DAB1: variants seen among roughly 807,000 people sequenced by gnomAD.
DAB1 encodes DAB adaptor protein 1.
DAB1 carries 15 observed loss-of-function variants against 64.6 expected under a neutral mutation model. That is an observed-to-expected ratio of 0.23 (90% CI 0.16 to 0.36). The LOEUF (loss-of-function observed/expected upper bound fraction) is 0.36, where lower values mean the gene tolerates loss of function less well. Among genes scored for constraint, DAB1 ranks in the 10% least tolerant of loss-of-function variants. The pLI is 1.00. For synonymous variants in DAB1, 235 were observed against 251.9 expected, an observed-to-expected ratio of 0.93 and a Z score of 0.64; for missense variants, 596 against 706.7, an observed-to-expected ratio of 0.84 and a Z score of 1.78.
intron 6 of DAB1, among the ~76,000 whole-genome samples, chr1:57,780,528 T>C (rs1054465682): frequency 4.6e-5 from 7 of 152,208 alleles, no homozygotes; most frequent in Non-Finnish European, 7.4e-5. Context: ...CTGGGTAATA[T>C]GTTACATATG....
At chr1:58,091,969 A>ACAC (rs1570341909) in intron 5 of DAB1, among the ~76,000 whole-genome samples, 1 of 104,194 alleles carries the variant, frequency 9.6e-6, no homozygotes, top group East Asian at 3.9e-4. Context: ...CACACACACA[A>ACAC]ACTAACATAG....
At chr1:57,132,321 C>G (rs868427584) in intron 4 of DAB1, among the ~76,000 whole-genome samples, 10 of 152,132 alleles carry the variant, frequency 6.6e-5, no homozygotes, top group African/African-American at 2.2e-4. Context: ...GAGAGTATCC[C>G]AGTATCTTGG....
At chr1:58,315,906 AAACTG>A (rs1259293237) in intron 4 of DAB1, among the ~76,000 whole-genome samples, 3 of 152,222 alleles carry the variant, frequency 2.0e-5, no homozygotes, top group Non-Finnish European at 4.4e-5. Context: ...CATAGAGGCT[AAACTG>A]GAAAGTCATT....
At chr1:57,424,474 C>G (rs1425504731), upstream of DAB1, among the ~76,000 whole-genome samples, 1 of 152,144 alleles carries the variant, frequency 6.6e-6, no homozygotes, top group African/African-American at 2.4e-5. Flanking sequence ...GCCGCGCCAG[C>G]GTGGAGAGGG....
At chr1:57,209,139 T>C (rs1379764910) in intron 2 of DAB1, among the ~76,000 whole-genome samples, 1 of 151,964 alleles carries the variant, frequency 6.6e-6, no homozygotes, top group Non-Finnish European at 1.5e-5. Flanking sequence ...AGCAATTGAG[T>C]AAATAAGAAA....
chr1:58,371,895 T>C (rs1430164788), intron 3 of DAB1, among the ~76,000 whole-genome samples: 7 of 152,182 alleles, frequency 4.6e-5, no homozygotes, highest in Non-Finnish European at 1.0e-4. Flanking sequence ...AACCTCCACC[T>C]AGATTTCAGA....
intron 5 of DAB1, among the ~76,000 whole-genome samples, chr1:57,992,609 T>C (rs1646362245): frequency 6.6e-6 from 1 of 152,150 alleles, no homozygotes; most frequent in Non-Finnish European, 1.5e-5. Context: ...ACACTCAGCG[T>C]TTTCAGAGTG....
intron 4 of DAB1, among the ~76,000 whole-genome samples, chr1:57,132,663 T>C (rs534880054): frequency 3.3e-5 from 5 of 152,204 alleles, no homozygotes; most frequent in African/African-American, 1.2e-4. Flanking sequence ...ACTCTAAAAT[T>C]TGAAACACTT....
At chr1:57,565,339 T>C (rs1383498422) in intron 7 of DAB1, among the ~76,000 whole-genome samples, 4 of 152,162 alleles carry the variant, frequency 2.6e-5, no homozygotes, top group Non-Finnish European at 4.4e-5. Flanking sequence ...GTAAAGACCA[T>C]TGATGCTAGG....
intron 1 of DAB1, among the ~76,000 whole-genome samples, chr1:58,532,033 A>C (rs1207819257): frequency 6.6e-6 from 1 of 152,160 alleles, no homozygotes; most frequent in Non-Finnish European, 1.5e-5. Flanking sequence ...TTAACATGAA[A>C]AAGTGAAACT....
chr1:57,795,690 G>GATATATATATATATATATAT (rs3081038), intron 6 of DAB1, among the ~76,000 whole-genome samples: 14 of 69,098 alleles, frequency 2.0e-4, no homozygotes, highest in East Asian at 9.6e-4. Flanking sequence ...TATGCTTGGA[G>GATATATATATATATATATAT]ATATATATAT....
intron 7 of DAB1, among the ~76,000 whole-genome samples, chr1:57,565,879 T>G (rs1645114033): frequency 6.6e-6 from 1 of 152,070 alleles, no homozygotes; most frequent in South Asian, 2.1e-4. Flanking sequence ...AGACAGAAAG[T>G]TAACAAGGAT....
chr1:57,345,746 T>C (rs1678025545), intron 1 of DAB1, among the ~76,000 whole-genome samples: 1 of 152,230 alleles, frequency 6.6e-6, no homozygotes, highest in South Asian at 2.1e-4. Flanking sequence ...TGTACCACCA[T>C]TTATGAGCTG....
chr1:57,843,376 A>C (rs978783426), intron 1 of DAB1, among the ~76,000 whole-genome samples: 1 of 152,162 alleles, frequency 6.6e-6, no homozygotes, highest in Non-Finnish European at 1.5e-5. Context: ...GTTATTATCT[A>C]GTTGGGTGAT....
chr1:57,379,151 G>C (rs17115685), intron 1 of DAB1, among the ~76,000 whole-genome samples: 47,047 of 151,314 alleles, frequency 0.31, 7,769 homozygotes, highest in African/African-American at 0.39. Flanking sequence ...AGTAAGGAGG[G>C]GCTACCAGCT....
chr1:57,659,907 G>T (rs1646365365), intron 6 of DAB1, among the ~76,000 whole-genome samples: 1 of 151,730 alleles, frequency 6.6e-6, no homozygotes, highest in South Asian at 2.1e-4. Context: ...AATCTGGGTG[G>T]CAGAGGTTGC....
intron 7 of DAB1, among the ~76,000 whole-genome samples, chr1:57,483,806 G>C (rs1450429063): frequency 1.2e-4 from 19 of 152,022 alleles, no homozygotes; most frequent in Admixed American, 8.5e-4. Flanking sequence ...TATATACCCT[G>C]GGTTGCAAGT....
intron 4 of DAB1, among the ~76,000 whole-genome samples, chr1:57,092,381 G>A (rs1013265636): frequency 3.9e-5 from 6 of 152,026 alleles, no homozygotes; most frequent in Admixed American, 2.0e-4. Context: ...GAGGGACCTG[G>A]TAGGAAGTGA....
chr1:57,661,182 C>A (rs1252869284), intron 6 of DAB1, among the ~76,000 whole-genome samples: 1 of 152,000 alleles, frequency 6.6e-6, no homozygotes, highest in Non-Finnish European at 1.5e-5. Context: ...TAAAACTGCC[C>A]CCTGCTAGAG....
Sources: allele counts gnomAD v4.1 joint callset (sites outside exome capture counted in the v4.1 genomes callset), GRCh38; gene constraint gnomAD v4.1.1; transcripts MANE v1.5; gene names NCBI Gene and HGNC (gene_info 2026-07-23, HGNC 2026-07-21).